Variants in GABBR2 observed in about 807,000 individuals in gnomAD.
GABBR2 encodes the protein gamma-aminobutyric acid type B receptor subunit 2.
A neutral mutation model predicts 105.6 loss-of-function variants in GABBR2; 23 were observed. That is an observed-to-expected ratio of 0.22 (90% CI 0.16 to 0.31). GABBR2 has a LOEUF of 0.31. Among genes scored for constraint, GABBR2 ranks in the 10% least tolerant of loss-of-function variants. The pLI is 1.00. For missense variants in GABBR2, 734 were observed against 1,245.5 expected (o/e 0.59, Z 6.18); for synonymous variants, 478 against 499.7 (o/e 0.96, Z 0.58).
At chr9:98,558,327 T>C (rs1026259539) in intron 2 of GABBR2, among the ~76,000 whole-genome samples, 3 of 152,084 alleles carry the variant, frequency 2.0e-5, no homozygotes, top group Non-Finnish European at 4.4e-5. Flanking sequence ...GCTGAACCTA[T>C]GCCGTATCAC....
chr9:98,469,739 C>A (rs919113425), intron 6 of GABBR2, among the ~76,000 whole-genome samples: 1 of 152,226 alleles, frequency 6.6e-6, no homozygotes. Flanking sequence ...AACCCACTTT[C>A]GTGATCTTGG....
At chr9:98,488,655 C>T (rs968914721) in intron 4 of GABBR2, among the ~76,000 whole-genome samples, 1 of 152,100 alleles carries the variant, frequency 6.6e-6, no homozygotes, top group Non-Finnish European at 1.5e-5. Context: ...ACCGCTCCTC[C>T]ACTTAAGGCA....
chr9:98,552,873 TTTTTTC>T (rs1304774533), intron 2 of GABBR2, among the ~76,000 whole-genome samples: 1 of 151,988 alleles, frequency 6.6e-6, no homozygotes, highest in Non-Finnish European at 1.5e-5. Context: ...GGCCAGTCCT[TTTTTTC>T]TTTTTCTTTT....
chr9:98,375,306 T>G (rs1831853331), intron 11 of GABBR2: 1 of 152,208 alleles, frequency 6.6e-6, no homozygotes, highest in Non-Finnish European at 1.5e-5. Flanking sequence ...AAATCCAAAC[T>G]TGTGAGCCAC....
intron 3 of GABBR2, among the ~76,000 whole-genome samples, chr9:98,505,114 G>T (rs759679118): frequency 5.9e-5 from 9 of 152,228 alleles, no homozygotes; most frequent in Non-Finnish European, 8.8e-5. Context: ...GACGGAGAAG[G>T]TGGCTTTGAT....
At chr9:98,669,975 G>A (rs1051630260) in intron 1 of GABBR2, among the ~76,000 whole-genome samples, 3 of 151,940 alleles carry the variant, frequency 2.0e-5, no homozygotes, top group Non-Finnish European at 2.9e-5. Context: ...CGACCAGGGC[G>A]GGGGTGGGAG....
intron 7 of GABBR2, among the ~76,000 whole-genome samples, chr9:98,448,572 A>G (rs1323861741): frequency 6.6e-6 from 1 of 152,068 alleles, no homozygotes; most frequent in Non-Finnish European, 1.5e-5. Flanking sequence ...ACCTGCCACC[A>G]TGCCCGGCTA....
intron 7 of GABBR2, among the ~76,000 whole-genome samples, chr9:98,437,840 G>A (rs1588161244): frequency 6.9e-6 from 1 of 144,304 alleles, no homozygotes; most frequent in Non-Finnish European, 1.5e-5. Flanking sequence ...GTATCCATCC[G>A]CTGTCCACAC....
chr9:98,602,756 A>ATG, intron 1 of GABBR2, among the ~76,000 whole-genome samples: 1 of 152,216 alleles, frequency 6.6e-6, no homozygotes, highest in African/African-American at 2.4e-5. Flanking sequence ...GTTCTCACGG[A>ATG]GATGCTCGGT....
intron 7 of GABBR2, among the ~76,000 whole-genome samples, chr9:98,450,000 T>C (rs760131742): frequency 6.6e-6 from 1 of 152,184 alleles, no homozygotes; most frequent in African/African-American, 2.4e-5. Flanking sequence ...CAACCTAGGA[T>C]GCATGGAAGA....
intron 13 of GABBR2, among the ~76,000 whole-genome samples, chr9:98,322,627 T>C (rs533983287): frequency 2.1e-5 from 3 of 145,378 alleles, no homozygotes; most frequent in Non-Finnish European, 4.5e-5. Context: ...CGTCCAGCCT[T>C]GTTCCCCATC....
At chr9:98,592,694 ATTAT>A (rs1829163731) in intron 1 of GABBR2, among the ~76,000 whole-genome samples, 1 of 152,218 alleles carries the variant, frequency 6.6e-6, no homozygotes, top group African/African-American at 2.4e-5. Flanking sequence ...TGTAGAAATG[ATTAT>A]TTCACCAAGT....
In GABBR2 at chr9:98,319,451, A is replaced by ATTT. The variant is rs35941189; in HGVS notation, c.1894-8249_1894-8247dup. ...AATGTTATGATTACAAGTTTGGGTG[A>ATTT]TTTTTTTTTTTTTTCCAGAATCAGA... is the stretch of plus-strand genomic sequence containing the variant. On this transcript the variant is annotated intron_variant, in intron 13 of 18. Coordinates refer to ENST00000259455, the MANE Select transcript of GABBR2 (RefSeq NM_005458.8). Among the ~76,000 whole-genome samples, 107 of 145,292 alleles carry ATTT rather than the reference A, an allele frequency of 7.4e-4. No individual in the cohort carries two copies. In the Middle Eastern group the frequency reaches 0.011, roughly 15 times the overall value.
intron 1 of GABBR2, among the ~76,000 whole-genome samples, chr9:98,704,653 T>A (rs1328960308): frequency 1.3e-5 from 2 of 152,236 alleles, no homozygotes; most frequent in Non-Finnish European, 2.9e-5. Context: ...GGAATGATGC[T>A]AATTATTAGA....
intron 1 of GABBR2, among the ~76,000 whole-genome samples, chr9:98,599,863 C>T (rs1181352496): frequency 6.6e-6 from 1 of 152,164 alleles, no homozygotes; most frequent in African/African-American, 2.4e-5. Context: ...GGGGTGGGTA[C>T]AAGGCAGTTT....
intron 1 of GABBR2, among the ~76,000 whole-genome samples, chr9:98,579,915 T>G (rs1400345635): frequency 3.3e-5 from 5 of 152,194 alleles, no homozygotes; most frequent in African/African-American, 1.2e-4. Context: ...AAAGTTCTAT[T>G]CCCGCAGTCA....
chr9:98,341,614 T>G (rs1465748626), intron 13 of GABBR2, among the ~76,000 whole-genome samples: 1 of 152,236 alleles, frequency 6.6e-6, no homozygotes, highest in African/African-American at 2.4e-5. Context: ...CAGAGTGGCT[T>G]ATCCAGTTAC....
chr9:98,690,647 G>T (rs1033021945), intron 1 of GABBR2, among the ~76,000 whole-genome samples: 9 of 152,156 alleles, frequency 5.9e-5, no homozygotes, highest in Admixed American at 1.3e-4. Context: ...CCTCTCAAGA[G>T]GGGCTGATTA....
chr9:98,605,608 G>C (rs1419093324), intron 1 of GABBR2, among the ~76,000 whole-genome samples: 1 of 152,146 alleles, frequency 6.6e-6, no homozygotes, highest in East Asian at 1.9e-4. Context: ...GCTATGGCAA[G>C]GAGTGCCTCT....
Sources: gnomAD v4.1 joint callset for allele counts (sites outside exome capture counted in the v4.1 genomes callset) on GRCh38, gnomAD v4.1.1 for gene constraint, MANE v1.5 for transcripts, NCBI Gene and HGNC (gene_info 2026-07-23, HGNC 2026-07-21) for gene names.